ARHGEF26: variants seen among roughly 807,000 people sequenced by gnomAD.
ARHGEF26 encodes the protein Rho guanine nucleotide exchange factor 26, also known as Rho guanine nucleotide exchange factor (GEF) 26.
ARHGEF26 carries 59 observed loss-of-function variants against 89.4 expected under a neutral mutation model. The ratio of observed to expected loss-of-function variants is 0.66; its 90% CI spans 0.54 to 0.82. ARHGEF26 has a LOEUF of 0.82. Ranked by LOEUF, ARHGEF26 falls within the 40% of genes least tolerant of loss-of-function variation. The pLI is 0.00. For missense variants in ARHGEF26, 1,234 were observed against 1,085.6 expected (o/e 1.14, Z -1.92); for synonymous variants, 500 against 428.4 (o/e 1.17, Z -2.06).
chr3:154,137,611 T>C (rs1489852467), intron 4 of ARHGEF26, among the ~76,000 whole-genome samples: 1 of 152,092 alleles, frequency 6.6e-6, no homozygotes, highest in East Asian at 1.9e-4. Context: ...ATAATTAGAT[T>C]ATGGTACATT....
chr3:154,201,011 T>TA (rs1714593881), intron 9 of ARHGEF26, among the ~76,000 whole-genome samples: 1 of 151,694 alleles, frequency 6.6e-6, no homozygotes, highest in Admixed American at 6.6e-5. Flanking sequence ...AAGATTTTTT[T>TA]TTATTATACT....
At chr3:154,231,651 A>G (rs1716828315) in intron 11 of ARHGEF26, among the ~76,000 whole-genome samples, 1 of 144,840 alleles carries the variant, frequency 6.9e-6, no homozygotes, top group East Asian at 2.0e-4. Flanking sequence ...AGAATATTTT[A>G]TTGTTTTTAA....
intron 4 of ARHGEF26, among the ~76,000 whole-genome samples, chr3:154,131,807 T>C (rs1288451300): frequency 6.6e-6 from 1 of 152,254 alleles, no homozygotes; most frequent in Non-Finnish European, 1.5e-5. Context: ...GCCATATTTA[T>C]GCCTCCTGGA....
Position 154,257,557 on chromosome 3 carries a change from A to G in ARHGEF26, c.*2084A>G, listed in dbSNP as rs995273792. On this transcript the variant is annotated 3_prime_UTR_variant, in exon 15 of 15. Transcript: ENST00000465093. ...GTTAAACAGCTTTGGAAATACATGC[A>G]TCTTATGAATCATAGCCTTATTTAG... The G allele has an allele frequency of 2.0e-5, 3 of 152,368 alleles. No individual in the cohort carries two copies. The East Asian group carries it at 5.8e-4, about 29-fold the overall frequency. The allele number at this position is 152,368 out of a possible 1,614,324, so 9.4% of individuals were successfully genotyped here.
rs556447911 is a variant in ARHGEF26 at position 154,256,860 on chromosome 3, T to C, written c.*1387T>C. ...TGAGTTTCTATAGAACTTTACTTTT[T>C]CCACTAGTGCACAGAGAGAGAAAGG... is the stretch of plus-strand genomic sequence containing the variant. On this transcript the variant is annotated 3_prime_UTR_variant, in exon 15 of 15. Coordinates refer to ENST00000465093, the MANE Select transcript of ARHGEF26 (RefSeq NM_015595.4). The C allele has an allele frequency of 3.8e-5, 59 of 1,533,804 alleles. No individual in the cohort carries two copies. The highest frequency in any genetic ancestry group is 5.1e-5 in the Non-Finnish European group (58 of 1,146,180).
chr3:154,141,229 T>C lies in ARHGEF26; in HGVS notation c.1270-8160T>C, dbSNP rs541382366. On this transcript the variant is annotated intron_variant, in intron 4 of 14. Coordinates refer to ENST00000465093, the MANE Select transcript of ARHGEF26 (RefSeq NM_015595.4). ...TTCCGCCCGCCTCGGCCTCCCAAAA[T>C]GCCGGGATTATAGGTGAGAGCCACC... 6.0e-4 allele frequency among the ~76,000 whole-genome samples: 92 copies of C among 152,266 alleles called. No homozygotes were observed. The South Asian group carries it at 0.017, about 29-fold the overall frequency.
Position 154,257,029 on chromosome 3 carries a change from C to T in ARHGEF26, c.*1556C>T. 1.4e-6 allele frequency: 2 copies of T among 1,458,512 alleles called. No individual in the cohort carries two copies. The highest frequency in any genetic ancestry group is 1.8e-6 in the Non-Finnish European group (2 of 1,111,902). 90.3% of individuals were successfully genotyped at this position (1,458,512 alleles called of 1,614,324 possible). A position where few individuals can be genotyped will look rare whatever the true frequency, so the allele number is the denominator to read the frequency against. Reference sequence around the variant, plus strand: ...TGGCAAAGTGTACATTATTGGAGGACTCAAATCTGTATGTGACATGTCCCA... The same window carrying T: ...TGGCAAAGTGTACATTATTGGAGGATTCAAATCTGTATGTGACATGTCCCA... On this transcript the variant is annotated 3_prime_UTR_variant, in exon 15 of 15. Transcript: ENST00000465093.
chr3:154,216,510 T>TTTTA (rs1715753516), intron 9 of ARHGEF26, among the ~76,000 whole-genome samples: 1 of 6,230 alleles, frequency 1.6e-4, no homozygotes, highest in African/African-American at 3.4e-4. Flanking sequence ...TTATTTTTTA[T>TTTTA]TTTTTTTTTA....
At chr3:154,238,864 A>T (rs1248331148) in intron 11 of ARHGEF26, among the ~76,000 whole-genome samples, 1 of 152,178 alleles carries the variant, frequency 6.6e-6, no homozygotes, top group African/African-American at 2.4e-5. Flanking sequence ...CTGGGTACCA[A>T]GAAATGCAAG....
intron 9 of ARHGEF26, among the ~76,000 whole-genome samples, chr3:154,202,048 G>C (rs1044391716): frequency 8.5e-5 from 13 of 152,202 alleles, no homozygotes; most frequent in African/African-American, 2.9e-4. Context: ...GTTGCCATTT[G>C]TTTTGGTGTT....
chr3:154,150,058 TTGTGTGTG>T (rs10616486), intron 5 of ARHGEF26, among the ~76,000 whole-genome samples: 6 of 147,732 alleles, frequency 4.1e-5, no homozygotes, highest in South Asian at 2.1e-4. Flanking sequence ...CTGCATATTA[TTGTGTGTG>T]TGTGTGTGTG....
intron 6 of ARHGEF26, among the ~76,000 whole-genome samples, chr3:154,162,478 G>A (rs150376306): frequency 3.9e-5 from 6 of 152,184 alleles, no homozygotes; most frequent in African/African-American, 1.4e-4. Flanking sequence ...ATCCTTAATA[G>A]CATGCTGTGA....
chr3:154,123,314 G>A (rs1560035857), intron 2 of ARHGEF26, among the ~76,000 whole-genome samples: 1 of 152,172 alleles, frequency 6.6e-6, no homozygotes, highest in Non-Finnish European at 1.5e-5. Flanking sequence ...TCTAAGCTCA[G>A]GCAGAATTGG....
chr3:154,250,387 G>A (rs34021634), intron 12 of ARHGEF26, among the ~76,000 whole-genome samples: 23,894 of 151,822 alleles, frequency 0.16, 2,358 homozygotes, highest in East Asian at 0.39. Flanking sequence ...ATCTAAGAGG[G>A]GGGGGTGGGA....
chr3:154,180,668 T>G (rs999104262), intron 6 of ARHGEF26, among the ~76,000 whole-genome samples: 2 of 5,680 alleles, frequency 3.5e-4, no homozygotes, highest in South Asian at 0.018. Flanking sequence ...GCATTTTTGT[T>G]TAGAACTCTT....
intron 6 of ARHGEF26, among the ~76,000 whole-genome samples, chr3:154,170,615 G>A (rs1403540355): frequency 6.6e-6 from 1 of 152,166 alleles, no homozygotes. Context: ...ACATCTTTGT[G>A]CTTCAGCAGT....
chr3:154,137,564 A>G (rs1236048115), intron 4 of ARHGEF26, among the ~76,000 whole-genome samples: 1 of 152,212 alleles, frequency 6.6e-6, no homozygotes, highest in East Asian at 1.9e-4. Flanking sequence ...AGCTTGGGCC[A>G]GGGACTGGGC....
chr3:154,210,590 C>T (rs775864193), intron 9 of ARHGEF26, among the ~76,000 whole-genome samples: 16 of 151,462 alleles, frequency 1.1e-4, no homozygotes, highest in Non-Finnish European at 1.5e-4. Context: ...GCTGGGATGA[C>T]AGGCGTGAGC....
chr3:154,168,702 A>G (rs970545161), intron 6 of ARHGEF26, among the ~76,000 whole-genome samples: 1 of 152,220 alleles, frequency 6.6e-6, no homozygotes, highest in Non-Finnish European at 1.5e-5. Context: ...GATGTATTAT[A>G]TTAGTTGTCT....
Sources: allele counts gnomAD v4.1 joint callset (sites outside exome capture counted in the v4.1 genomes callset), GRCh38; gene constraint gnomAD v4.1.1; transcripts MANE v1.5; gene names NCBI Gene and HGNC (gene_info 2026-07-23, HGNC 2026-07-21).